ELP4: variants seen among roughly 807,000 people sequenced by gnomAD.
The protein encoded by ELP4 is elongator acetyltransferase complex subunit 4.
In ELP4, 51 loss-of-function variants were observed where a neutral mutation model predicts 48.9. That is an observed-to-expected ratio of 1.04 (90% CI 0.83 to 1.32). The LOEUF is 1.32. ELP4 is among the 40% of genes most tolerant of loss of function. The pLI is 0.00. For missense variants in ELP4, 519 were observed against 514.6 expected, an observed-to-expected ratio of 1.01 and a Z score of -0.08; for synonymous variants, 210 against 189.2, an observed-to-expected ratio of 1.11 and a Z score of -0.90.
chr11:31,519,844 A>C (rs1956183423), intron 1 of ELP4, among the ~76,000 whole-genome samples: 1 of 152,024 alleles, frequency 6.6e-6, no homozygotes, highest in South Asian at 2.1e-4. Flanking sequence ...AAAAAAAAAA[A>C]AGTAATTGTA....
At chr11:31,771,330 T>A (rs1948138064) in intron 9 of ELP4, among the ~76,000 whole-genome samples, 1 of 152,352 alleles carries the variant, frequency 6.6e-6, no homozygotes, top group African/African-American at 2.4e-5. Context: ...AATATGCATG[T>A]TTGCAACAAT....
chr11:31,716,183 T>G (rs1946838895), intron 9 of ELP4, among the ~76,000 whole-genome samples: 1 of 151,996 alleles, frequency 6.6e-6, no homozygotes, highest in African/African-American at 2.4e-5. Context: ...TCCAGCTAAT[T>G]TATTTATTTG....
intron 3 of ELP4, among the ~76,000 whole-genome samples, chr11:31,565,934 A>G (rs1000348801): frequency 6.6e-6 from 1 of 152,112 alleles, no homozygotes; most frequent in African/African-American, 2.4e-5. Flanking sequence ...CTTGATGGGG[A>G]TGGCATTGGA....
At chr11:31,579,069 C>G (rs1957338497) in intron 3 of ELP4, among the ~76,000 whole-genome samples, 1 of 152,170 alleles carries the variant, frequency 6.6e-6, no homozygotes, top group Non-Finnish European at 1.5e-5. Context: ...CCAGAATCTA[C>G]AAAGAGCTTA....
chr11:31,743,098 A>G (rs1947495520), intron 9 of ELP4, among the ~76,000 whole-genome samples: 1 of 152,224 alleles, frequency 6.6e-6, no homozygotes, highest in Non-Finnish European at 1.5e-5. Context: ...AGGGGTTGCA[A>G]TCCTACTCTC....
intron 9 of ELP4, among the ~76,000 whole-genome samples, chr11:31,778,001 G>T (rs1057087821): frequency 2.0e-5 from 3 of 152,182 alleles, no homozygotes; most frequent in African/African-American, 7.2e-5. Flanking sequence ...AAAACCTGCA[G>T]TGGAATAGGA....
In ELP4 at chr11:31,783,527, A is replaced by T; in HGVS notation, c.*3A>T. 2 of 1,613,264 alleles carry T rather than the reference A, an allele frequency of 1.2e-6. No homozygotes were observed. The highest frequency in any genetic ancestry group is 1.7e-6 in the Non-Finnish European group (2 of 1,179,502). On this transcript the variant is annotated 3_prime_UTR_variant, in exon 10 of 10. Transcript: ENST00000640961. ...GCAAGAAGCACCTGGACTTCTAGGG[A>T]TTCCTCCTTAGTCGCTGCATGCAGA...
intron 3 of ELP4, among the ~76,000 whole-genome samples, chr11:31,573,048 G>T (rs1592128715): frequency 6.6e-6 from 1 of 152,096 alleles, no homozygotes; most frequent in African/African-American, 2.4e-5. Flanking sequence ...GGCAGGAGGA[G>T]GAAGGCAGGA....
At chr11:31,709,733 C>T (rs956554982) in intron 9 of ELP4, among the ~76,000 whole-genome samples, 3 of 151,970 alleles carry the variant, frequency 2.0e-5, no homozygotes, top group Non-Finnish European at 4.4e-5. Context: ...ACATGAATTG[C>T]CTAATACAAT....
At chr11:31,660,365 C>T (rs1263379847) in intron 9 of ELP4, among the ~76,000 whole-genome samples, 1 of 152,170 alleles carries the variant, frequency 6.6e-6, no homozygotes, top group African/African-American at 2.4e-5. Flanking sequence ...ATAGGCTACT[C>T]ATTTACAAGA....
chr11:31,640,831 A>G (rs1416478767), intron 7 of ELP4, among the ~76,000 whole-genome samples: 1 of 152,004 alleles, frequency 6.6e-6, no homozygotes, highest in Non-Finnish European at 1.5e-5. Flanking sequence ...AGCATAGTAG[A>G]GCCACTGTAA....
At chr11:31,720,501 A>G (rs1349202140) in intron 9 of ELP4, among the ~76,000 whole-genome samples, 2 of 140,740 alleles carry the variant, frequency 1.4e-5, no homozygotes, top group Non-Finnish European at 3.0e-5. Context: ...AGTAAGGCCA[A>G]AAAAAAAATA....
At chr11:31,544,627 C>A (rs1956663448) in intron 3 of ELP4, among the ~76,000 whole-genome samples, 1 of 152,222 alleles carries the variant, frequency 6.6e-6, no homozygotes, top group Non-Finnish European at 1.5e-5. Context: ...ATGTCCCTGT[C>A]TGACAGCTTT....
chr11:31,731,360 T>C (rs1947181667), intron 9 of ELP4, among the ~76,000 whole-genome samples: 1 of 151,690 alleles, frequency 6.6e-6, no homozygotes. Flanking sequence ...AAATAGAAAA[T>C]ATAAAAGAAC....
At chr11:31,597,944 C>G (rs562480943) in intron 4 of ELP4, among the ~76,000 whole-genome samples, 57 of 138,838 alleles carry the variant, frequency 4.1e-4, no homozygotes, top group African/African-American at 1.3e-3. Context: ...AAGCTTTAAG[C>G]CTTTTCTCTT....
chr11:31,739,783 A>G (rs536885042), intron 9 of ELP4, among the ~76,000 whole-genome samples: 1 of 152,340 alleles, frequency 6.6e-6, no homozygotes, highest in African/African-American at 2.4e-5. Flanking sequence ...TCAAGCACAA[A>G]GCAAGCACAC....
chr11:31,557,106 C>G (rs968365257), intron 3 of ELP4, among the ~76,000 whole-genome samples: 1 of 151,782 alleles, frequency 6.6e-6, no homozygotes. Flanking sequence ...GATGCAGCAA[C>G]AGAACATTTA....
chr11:31,563,573 A>G (rs973994329), intron 3 of ELP4, among the ~76,000 whole-genome samples: 4 of 152,158 alleles, frequency 2.6e-5, no homozygotes, highest in African/African-American at 7.2e-5. Flanking sequence ...GGAATTTTAT[A>G]ATTTTATTTC....
chr11:31,670,968 C>T (rs1431995826), intron 9 of ELP4, among the ~76,000 whole-genome samples: 1 of 151,404 alleles, frequency 6.6e-6, no homozygotes, highest in African/African-American at 2.4e-5. Flanking sequence ...ACTTAGGAAA[C>T]ATTAAAAAAA....
Sources: gnomAD v4.1 joint callset for allele counts (sites outside exome capture counted in the v4.1 genomes callset) on GRCh38, gnomAD v4.1.1 for gene constraint, MANE v1.5 for transcripts, NCBI Gene and HGNC (gene_info 2026-07-23, HGNC 2026-07-21) for gene names.